Variants in SNX16 observed in about 807,000 individuals in gnomAD.
SNX16 encodes sorting nexin-16.
Under a neutral mutation model 36.7 loss-of-function variants are expected in SNX16, and 35 were observed. That is an observed-to-expected ratio of 0.95 (90% CI 0.73 to 1.27). The LOEUF is 1.27. Ranked by LOEUF, SNX16 falls within the 50% of genes most tolerant of loss-of-function variation. The pLI, the probability that SNX16 is intolerant of heterozygous loss-of-function variation, is 0.00. For missense variants in SNX16, 367 were observed against 393.6 expected (o/e 0.93, Z 0.57); for synonymous variants, 134 against 132.0 (o/e 1.02, Z -0.10).
intron 5 of SNX16, among the ~76,000 whole-genome samples, chr8:81,813,959 G>A (rs754766136): frequency 3.9e-5 from 6 of 151,942 alleles, no homozygotes; most frequent in Non-Finnish European, 7.4e-5. Context: ...TAAAACTCTC[G>A]TACAGTACAA....
intron 5 of SNX16, among the ~76,000 whole-genome samples, chr8:81,807,023 T>TAATA (rs1171904955): frequency 6.6e-6 from 1 of 152,134 alleles, no homozygotes; most frequent in East Asian, 1.9e-4. Context: ...TCTTCAAAAT[T>TAATA]AATAAATAAA....
intron 5 of SNX16, among the ~76,000 whole-genome samples, chr8:81,812,789 A>G (rs1810318131): frequency 1.3e-5 from 2 of 152,224 alleles, no homozygotes; most frequent in Admixed American, 1.3e-4. Flanking sequence ...TTTAGAGCAC[A>G]AAAGACTGTA....
At chr8:81,835,400 T>C (rs1178597442) in intron 2 of SNX16, among the ~76,000 whole-genome samples, 1 of 152,242 alleles carries the variant, frequency 6.6e-6, no homozygotes, top group Non-Finnish European at 1.5e-5. Flanking sequence ...TTATTACTTA[T>C]GCAAATTTCT....
Position 81,800,108 on chromosome 8 carries a change from A to T in SNX16, c.*1389T>A, listed in dbSNP as rs1375489861. The T allele has an allele frequency of 1.3e-5, 2 of 151,858 alleles. No homozygotes were observed. The highest frequency in any genetic ancestry group is 3.8e-4 in the East Asian group (2 of 5,200). 9.4% of individuals were successfully genotyped at this position (151,858 alleles called of 1,614,324 possible). On this transcript the variant is annotated 3_prime_UTR_variant, in exon 8 of 8. Coordinates refer to ENST00000345957, the MANE Select transcript of SNX16 (RefSeq NM_152836.3). ...TGTTGATATATGTCATTAGAATTTT[A>T]AACAGCCACACCTTAATATATATAT...
chr8:81,840,595 A>T (rs1811700223), intron 1 of SNX16, among the ~76,000 whole-genome samples: 2 of 152,244 alleles, frequency 1.3e-5, no homozygotes, highest in African/African-American at 2.4e-5. Context: ...ACAATGAACC[A>T]GATGCTTTGA....
At chr8:81,834,365 C>A (rs1811401028) in intron 2 of SNX16, among the ~76,000 whole-genome samples, 1 of 152,170 alleles carries the variant, frequency 6.6e-6, no homozygotes, top group Non-Finnish European at 1.5e-5. Flanking sequence ...CAAACCATAT[C>A]ATTCCACCCC....
chr8:81,813,324 TG>T (rs760991459), intron 5 of SNX16, among the ~76,000 whole-genome samples: 1 of 151,894 alleles, frequency 6.6e-6, no homozygotes, highest in Non-Finnish European at 1.5e-5. Context: ...CTTCTTTTCA[TG>T]GTCATTTGAT....
rs190975927 is a variant in SNX16, at chr8:81,802,312, T to C, written c.938+68A>G. ...ACTGAGTTCATAAAAAAATACTCTA[T>C]AGAGTATTAGAATCACTTTCCTCCA... is the stretch of plus-strand genomic sequence containing the variant. On this transcript the variant is annotated intron_variant, in intron 7 of 7. Transcript: ENST00000345957. The C allele has an allele frequency of 3.2e-4, 424 of 1,304,870 alleles. 3 individuals carry two copies. In the Middle Eastern group the frequency reaches 4.5e-3, roughly 14 times the overall value. 80.8% of individuals were successfully genotyped at this position (1,304,870 alleles called of 1,614,324 possible).
intron 1 of SNX16, among the ~76,000 whole-genome samples, chr8:81,841,137 T>C (rs1811746354): frequency 1.3e-5 from 2 of 152,122 alleles, no homozygotes; most frequent in South Asian, 4.1e-4. Context: ...GGTCAGGAGT[T>C]CGAGGCTAGC....
In SNX16 at chr8:81,800,686, A is replaced by C. The variant is rs1210653109; in HGVS notation, c.*811T>G. On this transcript the variant is annotated 3_prime_UTR_variant, in exon 8 of 8. Coordinates refer to ENST00000345957, the MANE Select transcript of SNX16 (RefSeq NM_152836.3). ...TATTTTCTTTTTTGTATAAGCCCCT[A>C]TTTATTTAGAATCTATATTTTCGAA... The C allele has an allele frequency of 6.6e-6, 1 of 152,208 alleles. No individual in the cohort carries two copies. Among genetic ancestry groups the C allele is most frequent in the Non-Finnish European group, 1.5e-5 (1 of 67,682 alleles). 9.4% of individuals were successfully genotyped at this position (152,208 alleles called of 1,614,324 possible).
chr8:81,835,657 G>A (rs889406499), intron 2 of SNX16, among the ~76,000 whole-genome samples: 12 of 152,180 alleles, frequency 7.9e-5, no homozygotes, highest in African/African-American at 2.9e-4. Flanking sequence ...CAATCTCTTT[G>A]CTAAACCTAA....
chr8:81,834,543 G>A (rs931728485), intron 2 of SNX16, among the ~76,000 whole-genome samples: 13 of 152,142 alleles, frequency 8.5e-5, no homozygotes, highest in African/African-American at 3.1e-4. Flanking sequence ...TCAAAAGCAA[G>A]CTAGTTACTT....
At chr8:81,814,665 G>A (rs1238744494) in intron 5 of SNX16, 1 of 151,994 alleles carries the variant, frequency 6.6e-6, no homozygotes, top group African/African-American at 2.4e-5. Context: ...CTCCAATAAA[G>A]CTGTTTTAAA....
chr8:81,835,281 C>G (rs546914693), intron 2 of SNX16, among the ~76,000 whole-genome samples: 2 of 152,328 alleles, frequency 1.3e-5, no homozygotes, highest in East Asian at 3.9e-4. Flanking sequence ...CACAAAACCA[C>G]GTTTTCCTCC....
At chr8:81,803,679 C>T (rs1415205096) in intron 5 of SNX16, among the ~76,000 whole-genome samples, 1 of 151,890 alleles carries the variant, frequency 6.6e-6, no homozygotes, top group Non-Finnish European at 1.5e-5. Flanking sequence ...TTTTGGTAAT[C>T]TTGACACTTG....
intron 2 of SNX16, among the ~76,000 whole-genome samples, chr8:81,837,001 G>A (rs1265192774): frequency 6.6e-6 from 1 of 152,156 alleles, no homozygotes; most frequent in African/African-American, 2.4e-5. Context: ...TGTCCCATCT[G>A]TGTTGAAAAC....
chr8:81,826,621 G>A (rs898917050), intron 3 of SNX16, among the ~76,000 whole-genome samples: 13 of 152,164 alleles, frequency 8.5e-5, no homozygotes, highest in Admixed American at 3.9e-4. Flanking sequence ...ATTTGCTCAT[G>A]ACTTTGTCCT....
Position 81,803,134 on chromosome 8 carries a change from C to A in SNX16, c.776G>T (p.Ser259Ile), listed in dbSNP as rs1374130085. Residue 259 changes from serine to isoleucine, a missense_variant, in exon 6 of 8, where the codon AGT becomes ATT. Ser to Ile is a moderately radical substitution (Grantham distance 142). Coordinates refer to ENST00000345957, the MANE Select transcript of SNX16 (RefSeq NM_152836.3). ...AGTGTCTATATGAAGTTGCTTCTCA[C>A]TGAGCAGTTTCTTTAGTGATTCCAT... ...KEMESLKKLL[S>I]EKQLHIDTLE... 2.5e-6 allele frequency: 4 copies of A among 1,611,712 alleles called. No individual in the cohort carries two copies. Among genetic ancestry groups the A allele is most frequent in the Non-Finnish European group, 3.4e-6 (4 of 1,178,748 alleles).
At position 81,802,507 on chromosome 8, in the gene SNX16, T is replaced by G; in HGVS notation, c.819-8A>C. The G allele has an allele frequency of 6.3e-7, 1 of 1,599,222 alleles. No homozygotes were observed. Among genetic ancestry groups the G allele is most frequent in the Non-Finnish European group, 8.5e-7 (1 of 1,173,284 alleles). ...GGTTCTAAAGACAATGTTCTAAAAG[T>G]ATGTTATAGCAACAAGTTATTTTCT... On this transcript the variant is annotated splice_polypyrimidine_tract_variant and splice_region_variant and intron_variant, in intron 6 of 7. Coordinates refer to ENST00000345957, the MANE Select transcript of SNX16 (RefSeq NM_152836.3).
Sources: gnomAD v4.1 joint callset for allele counts (sites outside exome capture counted in the v4.1 genomes callset) on GRCh38, gnomAD v4.1.1 for gene constraint, MANE v1.5 for transcripts, NCBI Gene and HGNC (gene_info 2026-07-23, HGNC 2026-07-21) for gene names.